The following ZNF782 variants were observed in gnomAD, a reference collection of about 807,000 sequenced individuals.
ZNF782 encodes the protein zinc finger protein 782.
Under a neutral mutation model 13.0 loss-of-function variants are expected in ZNF782, and 12 were observed. The ratio of observed to expected loss-of-function variants is 0.92; its 90% CI spans 0.59 to 1.50. ZNF782 has a LOEUF of 1.50. Ranked by LOEUF, ZNF782 falls within the 40% of genes most tolerant of loss-of-function variation. The pLI, the probability that ZNF782 is intolerant of heterozygous loss-of-function variation, is 0.00. For synonymous variants in ZNF782, 284 were observed against 283.0 expected (o/e 1.00, Z -0.04); for missense variants, 770 against 822.9 (o/e 0.94, Z 0.79).
At chr9:96,854,754 T>C (rs1004355614), upstream of ZNF782, among the ~76,000 whole-genome samples, 2 of 152,038 alleles carry the variant, frequency 1.3e-5, no homozygotes, top group Middle Eastern at 3.4e-3. Context: ...ATACAAAGAG[T>C]AGCCCTCCAT....
At chr9:96,869,088 G>A (rs534315536) in intron 1 of ZNF782, among the ~76,000 whole-genome samples, 20 of 152,030 alleles carry the variant, frequency 1.3e-4, no homozygotes, top group Admixed American at 1.1e-3. Context: ...TACTAAGTGG[G>A]CTTTCAGTCA....
chr9:96,874,007 T>C (rs937194411), intron 1 of ZNF782, among the ~76,000 whole-genome samples: 3 of 152,206 alleles, frequency 2.0e-5, no homozygotes, highest in Admixed American at 1.3e-4. Context: ...TTTACTTTCA[T>C]TTTTAGGGTT....
the ZNF782 span, among the ~76,000 whole-genome samples, chr9:96,912,195 C>T: frequency 2.4e-5 from 3 of 124,052 alleles, 1 homozygote; most frequent in Non-Finnish European, 4.9e-5. Flanking sequence ...GAAACTCCGT[C>T]TCGAAAAAAA....
the ZNF782 span, among the ~76,000 whole-genome samples, chr9:96,901,402 A>C: frequency 6.7e-6 from 1 of 150,014 alleles, no homozygotes; most frequent in African/African-American, 2.5e-5. Context: ...CTCCCGAGTA[A>C]CTGGGACTAC....
chr9:96,827,606 A>T (rs1289958150), intron 4 of ZNF782, among the ~76,000 whole-genome samples: 1 of 152,100 alleles, frequency 6.6e-6, no homozygotes, highest in Non-Finnish European at 1.5e-5. Flanking sequence ...TGGCCAAAAA[A>T]CATTTTCTTA....
intron 1 of ZNF782, among the ~76,000 whole-genome samples, chr9:96,865,421 C>T (rs1851745441): frequency 6.6e-6 from 1 of 152,196 alleles, no homozygotes; most frequent in South Asian, 2.1e-4. Flanking sequence ...CGTCTGTTTG[C>T]CTGCTGCCAT....
At chr9:96,868,675 A>G (rs1851790055) in intron 1 of ZNF782, among the ~76,000 whole-genome samples, 1 of 152,228 alleles carries the variant, frequency 6.6e-6, no homozygotes, top group Non-Finnish European at 1.5e-5. Flanking sequence ...ATTTTTTCCA[A>G]TACAAGTTTT....
At chr9:96,821,449 C>G (rs1850413959) in intron 5 of ZNF782, among the ~76,000 whole-genome samples, 1 of 152,046 alleles carries the variant, frequency 6.6e-6, no homozygotes, top group Non-Finnish European at 1.5e-5. Flanking sequence ...TTGTGTCTTC[C>G]CACAAATATA....
the ZNF782 span, among the ~76,000 whole-genome samples, chr9:96,882,090 GTTCAGGCT>G: frequency 6.6e-6 from 1 of 151,600 alleles, no homozygotes; most frequent in South Asian, 2.1e-4. Flanking sequence ...TAATACAAGT[GTTCAGGCT>G]TTCAATAGTT....
At chr9:96,883,393 T>C in the ZNF782 span, among the ~76,000 whole-genome samples, 2 of 152,204 alleles carry the variant, frequency 1.3e-5, no homozygotes, top group African/African-American at 2.4e-5. Context: ...TGGAGCAGTG[T>C]AGCTCCTCTG....
upstream of ZNF782, among the ~76,000 whole-genome samples, chr9:96,858,335 C>T (rs1851668166): frequency 6.6e-6 from 1 of 152,218 alleles, no homozygotes; most frequent in Non-Finnish European, 1.5e-5. This position sits in a 1 kb window ranked among gnomAD's most constrained non-coding sequence, Gnocchi z 4.4. Context: ...CTGGACATCA[C>T]CCAATGCTCA....
At chr9:96,855,719 A>C, upstream of ZNF782, among the ~76,000 whole-genome samples, 1 of 152,242 alleles carries the variant, frequency 6.6e-6, no homozygotes, top group Non-Finnish European at 1.5e-5. Flanking sequence ...ATAACCATGC[A>C]TGTGCAAGTA....
chr9:96,865,447 C>G (rs756772529), intron 1 of ZNF782, among the ~76,000 whole-genome samples: 2 of 152,228 alleles, frequency 1.3e-5, no homozygotes, highest in Admixed American at 6.5e-5. Flanking sequence ...TAAGACATGA[C>G]TTGCTCCTCC....
chr9:96,855,174 T>C (rs1851624775), upstream of ZNF782, among the ~76,000 whole-genome samples: 1 of 152,234 alleles, frequency 6.6e-6, no homozygotes, highest in South Asian at 2.1e-4. Context: ...CGAATTCTCT[T>C]ATTGATTCAA....
the ZNF782 span, chr9:96,932,545 G>A: frequency 3.0e-6 from 4 of 1,329,092 alleles, no homozygotes; most frequent in East Asian, 4.7e-5. Context: ...GTTGTGCTAT[G>A]GGAAGGTACA....
chr9:96,841,293 C>T (rs1851181501), intron 4 of ZNF782, among the ~76,000 whole-genome samples: 1 of 151,892 alleles, frequency 6.6e-6, no homozygotes, highest in Non-Finnish European at 1.5e-5. Flanking sequence ...GATGGTTTCA[C>T]TAGATAACTC....
chr9:96,932,984 T>C, the ZNF782 span, among the ~76,000 whole-genome samples: 3 of 148,558 alleles, frequency 2.0e-5, no homozygotes, highest in Non-Finnish European at 3.0e-5. Flanking sequence ...TTTTCTTTTT[T>C]TTTTTTTTTT....
chr9:96,879,366 G>A (rs1377499301), upstream of ZNF782, among the ~76,000 whole-genome samples: 1 of 152,194 alleles, frequency 6.6e-6, no homozygotes, highest in Non-Finnish European at 1.5e-5. Context: ...AGCCGTGCCT[G>A]GTGGCGGGCG....
Position 96,821,423 on chromosome 9 carries a change from A to C in ZNF782, c.245-1645T>G, listed in dbSNP as rs559930084. 1.0e-3 allele frequency among the ~76,000 whole-genome samples: 152 copies of C among 152,336 alleles called. 1 individual carries two copies. The highest frequency in any genetic ancestry group is 3.6e-3 in the African/African-American group (148 of 41,570). ...GCAAAGCATTTCCCAAATTACACACACATACAAAAGGCTTCTTGTGTCTTC... is the reference window on the plus strand; with the variant it reads ...GCAAAGCATTTCCCAAATTACACACCCATACAAAAGGCTTCTTGTGTCTTC... On this transcript the variant is annotated intron_variant, in intron 5 of 5. Transcript: ENST00000481138.
Sources: gnomAD v4.1 joint callset for allele counts (sites outside exome capture counted in the v4.1 genomes callset) on GRCh38, gnomAD v4.1.1 for gene constraint, Gnocchi (gnomAD v3.1) non-coding constraint, MANE v1.5 for transcripts, NCBI Gene and HGNC (gene_info 2026-07-23, HGNC 2026-07-21) for gene names.